Variants in DLGAP4 observed in about 807,000 individuals in gnomAD.
DLGAP4 encodes DLG associated protein 4.
In DLGAP4, 18 loss-of-function variants were observed where a neutral mutation model predicts 86.9. That is an observed-to-expected ratio of 0.21 (90% CI 0.14 to 0.31). The LOEUF (loss-of-function observed/expected upper bound fraction) is 0.31. DLGAP4 is among the 10% of genes least tolerant of loss of function. The pLI is 1.00. For missense variants in DLGAP4, 1,085 were observed against 1,362.6 expected (o/e 0.80, Z 3.21); for synonymous variants, 548 against 574.3 (o/e 0.95, Z 0.65).
In DLGAP4 at chr20:36,522,791, T is replaced by A. The variant is rs146140256; in HGVS notation, c.2513-1459T>A. ...TCAGCCTCCCCCATCTTGTTTACTT[T>A]GTTTGCTTTTCAGTGATTTCTAAGG... On this transcript the variant is annotated intron_variant, in intron 10 of 12. Coordinates refer to ENST00000339266, the MANE Select transcript of DLGAP4 (RefSeq NM_001365621.2). 1.5e-3 allele frequency among the ~76,000 whole-genome samples: 233 copies of A among 152,206 alleles called. 3 individuals carry two copies. Among genetic ancestry groups the A allele is most frequent in the African/African-American group, 5.5e-3 (227 of 41,536 alleles).
chr20:36,432,285 G>A lies in DLGAP4; in HGVS notation c.568G>A (p.Ala190Thr). 3 of 1,613,768 alleles carry A rather than the reference G, an allele frequency of 1.9e-6. No homozygotes were observed. Among genetic ancestry groups the A allele is most frequent in the African/African-American group, 2.7e-5 (2 of 75,076 alleles). Residue 190 changes from alanine (A) to threonine (T), a missense_variant, in exon 3 of 13, where the codon GCT (alanine) becomes ACT (threonine). This residue lies in a region of DLGAP4 where 1,082 missense variants were observed against 1,344.1 expected (regional missense o/e 0.81). Transcript: ENST00000339266. The surrounding 1 kb of genome is among the most constrained non-coding windows in gnomAD (Gnocchi z 6.5). ...GGCCAAAAGCAAGGAGCGGGCCAAG[G>A]CTGGGGAGCCCAAACGGCGCAGCCG... The part of the protein sequence containing the change: ...RRAKSKERAK[A>T]GEPKRRSRSN...
At chr20:36,493,992 G>A (rs2147755538) in intron 7 of DLGAP4, among the ~76,000 whole-genome samples, 1 of 152,322 alleles carries the variant, frequency 6.6e-6, no homozygotes, top group South Asian at 2.1e-4. Flanking sequence ...AGGATGATGT[G>A]TTGGAGAGCC....
At chr20:36,446,962 GT>G (rs759098003) in intron 7 of DLGAP4, 25 bp downstream of exon 7, 11 of 1,578,660 alleles carry the variant, frequency 7.0e-6, no homozygotes, top group East Asian at 2.3e-5. Context: ...GAGGGAAGGG[GT>G]TTTTTTTCTT....
At chr20:36,417,846 A>T (rs1215698232) in intron 2 of DLGAP4, among the ~76,000 whole-genome samples, 4 of 151,840 alleles carry the variant, frequency 2.6e-5, no homozygotes, top group Non-Finnish European at 5.9e-5. Flanking sequence ...ATGCAGTGGC[A>T]CAATCTCAGC....
intron 2 of DLGAP4, among the ~76,000 whole-genome samples, chr20:36,418,524 A>G (rs944335033): frequency 2.0e-5 from 3 of 152,156 alleles, no homozygotes; most frequent in African/African-American, 4.8e-5. Context: ...TTCAGTGTCT[A>G]CCACACAAAG....
intron 2 of DLGAP4, among the ~76,000 whole-genome samples, chr20:36,372,430 C>T (rs543560854): frequency 1.3e-5 from 2 of 152,112 alleles, no homozygotes; most frequent in Non-Finnish European, 2.9e-5. Flanking sequence ...CCTCTCTCCC[C>T]ACCACCTCCC....
Position 36,421,607 on chromosome 20 carries a change from G to A in DLGAP4, c.-72-10039G>A, listed in dbSNP as rs188754666. On this transcript the variant is annotated intron_variant, in intron 2 of 12. Coordinates refer to ENST00000339266, the MANE Select transcript of DLGAP4 (RefSeq NM_001365621.2). Reference sequence around the variant, plus strand: ...GTAGGTGGAGGAACTCTGGGGATATGTGGAAGGGAGACTTGTTTTTACAGT... The same window carrying A: ...GTAGGTGGAGGAACTCTGGGGATATATGGAAGGGAGACTTGTTTTTACAGT... Among the ~76,000 whole-genome samples, 32 of 152,206 alleles carry A rather than the reference G, an allele frequency of 2.1e-4. No individual in the cohort carries two copies. In the East Asian group the frequency reaches 5.8e-3, roughly 28 times the overall value.
At chr20:36,460,113 T>A (rs1253367757) in intron 7 of DLGAP4, among the ~76,000 whole-genome samples, 1 of 152,212 alleles carries the variant, frequency 6.6e-6, no homozygotes, top group Non-Finnish European at 1.5e-5. Context: ...ATAATGATAT[T>A]TCATCTTATG....
chr20:36,435,992 A>C, intron 3 of DLGAP4, 117 bp from the exon 4 acceptor site: 2 of 1,398,702 alleles, frequency 1.4e-6, no homozygotes, highest in South Asian at 3.2e-5. Flanking sequence ...CGGGAAACCC[A>C]GCACGTGAGC....
intron 2 of DLGAP4, among the ~76,000 whole-genome samples, chr20:36,412,156 G>T (rs2147503479): frequency 6.6e-6 from 1 of 152,374 alleles, no homozygotes; most frequent in Admixed American, 6.5e-5. Flanking sequence ...GCTGGCAATT[G>T]CTGCATTCTG....
intron 7 of DLGAP4, 145 bp from the exon 8 acceptor site, chr20:36,496,560 C>A: frequency 7.5e-7 from 1 of 1,337,898 alleles, no homozygotes; most frequent in Non-Finnish European, 9.9e-7. Context: ...CCTCGTTCTC[C>A]CTGCTCCAGA....
chr20:36,519,201 C>T (rs2037221651), intron 10 of DLGAP4, among the ~76,000 whole-genome samples: 1 of 152,064 alleles, frequency 6.6e-6, no homozygotes, highest in African/African-American at 2.4e-5. Context: ...ATTGCGCACG[C>T]ACAGAAGGTC....
intron 1 of DLGAP4, among the ~76,000 whole-genome samples, chr20:36,328,799 C>A (rs185682259): frequency 1.3e-5 from 2 of 148,172 alleles, no homozygotes; most frequent in South Asian, 4.7e-4. Flanking sequence ...TTTCTTAAGA[C>A]GGAGTCTCTC....
At chr20:36,407,034 T>C (rs1045261673) in intron 2 of DLGAP4, among the ~76,000 whole-genome samples, 1 of 152,106 alleles carries the variant, frequency 6.6e-6, no homozygotes, top group African/African-American at 2.4e-5. Context: ...CTAGCTCTGC[T>C]ACTTACCAGA....
At chr20:36,410,488 T>G (rs1300023767) in intron 2 of DLGAP4, among the ~76,000 whole-genome samples, 1 of 152,092 alleles carries the variant, frequency 6.6e-6, no homozygotes, top group African/African-American at 2.4e-5. Context: ...TGAGGCTGAG[T>G]AATGTATAAA....
At chr20:36,378,929 C>T (rs1256623798) in intron 2 of DLGAP4, among the ~76,000 whole-genome samples, 1 of 152,138 alleles carries the variant, frequency 6.6e-6, no homozygotes, top group Non-Finnish European at 1.5e-5. Flanking sequence ...GGGCCTCGTG[C>T]CAGGGACTGG....
At chr20:36,423,455 CAAAAAAAAAAAA>C (rs11434258) in intron 2 of DLGAP4, among the ~76,000 whole-genome samples, 69 of 16,342 alleles carry the variant, frequency 4.2e-3, no homozygotes, top group East Asian at 6.6e-3. Context: ...GACTCCGTCT[CAAAAAAAAAAAA>C]AAAAAAAAAA....
At chr20:36,436,406 C>G in intron 4 of DLGAP4, 56 bp downstream of exon 4, 2 of 1,510,170 alleles carry the variant, frequency 1.3e-6, no homozygotes, top group Non-Finnish European at 1.8e-6. Context: ...CCGCCCACTA[C>G]GAGTCTTGCT....
At position 36,528,524 on chromosome 20, in the gene DLGAP4, C is replaced by T. The variant is rs887275494; in HGVS notation, c.*1493C>T. On this transcript the variant is annotated 3_prime_UTR_variant, in exon 13 of 13. Coordinates refer to ENST00000339266, the MANE Select transcript of DLGAP4 (RefSeq NM_001365621.2). ...CTTGGCCGCCGTCTGTGACCTTGGG[C>T]AAGTCACTTGACCTCTGTGTGCCTC... The T allele has an allele frequency of 1.3e-5, 2 of 150,648 alleles. No individual in the cohort carries two copies. The highest frequency in any genetic ancestry group is 4.9e-5 in the African/African-American group (2 of 40,622). 9.3% of individuals were successfully genotyped at this position (150,648 alleles called of 1,614,324 possible). A position where few individuals can be genotyped will look rare whatever the true frequency, so the allele number is the denominator to read the frequency against.
Sources: allele counts gnomAD v4.1 joint callset (sites outside exome capture counted in the v4.1 genomes callset), GRCh38; gene constraint gnomAD v4.1.1; regional missense constraint gnomAD v4.1.1; non-coding constraint Gnocchi (gnomAD v3.1); transcripts MANE v1.5; gene names NCBI Gene and HGNC (gene_info 2026-07-23, HGNC 2026-07-21).